FRMD4A: variants seen among roughly 807,000 people sequenced by gnomAD.
FRMD4A encodes the protein FERM domain containing 4A.
Under a neutral mutation model 129.1 loss-of-function variants are expected in FRMD4A, and 29 were observed. That is an observed-to-expected ratio of 0.22 (90% CI 0.17 to 0.31). The LOEUF is 0.31. FRMD4A is among the 10% of genes least tolerant of loss of function. The probability of loss-of-function intolerance (pLI) is 1.00; values close to 1 mark genes in which losing one functional copy is unlikely to be tolerated. For synonymous variants in FRMD4A, 634 were observed against 571.6 expected (o/e 1.11, Z -1.56); for missense variants, 1,272 against 1,375.8 (o/e 0.92, Z 1.19).
At chr10:13,771,697 A>T (rs891412426) in intron 6 of FRMD4A, among the ~76,000 whole-genome samples, 1 of 152,230 alleles carries the variant, frequency 6.6e-6, no homozygotes, top group Non-Finnish European at 1.5e-5. Context: ...CCAGATGGCA[A>T]GCACAGTCCT....
chr10:13,667,598 G>A (rs10737077), intron 17 of FRMD4A: 120,971 of 152,184 alleles, frequency 0.79, 48,376 homozygotes, highest in Non-Finnish European at 0.84. Flanking sequence ...CAGCTGCTGA[G>A]GGATGGGGGG....
chr10:13,996,322 A>G (rs1418740463), intron 2 of FRMD4A, among the ~76,000 whole-genome samples: 1 of 152,210 alleles, frequency 6.6e-6, no homozygotes, highest in Non-Finnish European at 1.5e-5. Context: ...TGCTGCCTAC[A>G]TGGGTGGACC....
rs1028517880 is a variant in FRMD4A, at chr10:14,292,968, T to C, written c.45+37090A>G. On this transcript the variant is annotated intron_variant, in intron 2 of 24. Transcript: ENST00000357447. ...AAAGGTATTAAGAAGAGTGAATACATAAGCCACCAAATGGAGATATTACAT... is the reference window on the plus strand; with the variant it reads ...AAAGGTATTAAGAAGAGTGAATACACAAGCCACCAAATGGAGATATTACAT... 1.6e-4 allele frequency among the ~76,000 whole-genome samples: 24 copies of C among 152,238 alleles called. 2 individuals are homozygous for C. The South Asian group carries it at 4.1e-3, about 26-fold the overall frequency.
At chr10:14,327,829 G>C (rs1463149528) in intron 2 of FRMD4A, among the ~76,000 whole-genome samples, 2 of 152,206 alleles carry the variant, frequency 1.3e-5, no homozygotes, top group African/African-American at 4.8e-5. Context: ...TTTCCTCAGT[G>C]AGCAGACACG....
chr10:14,233,948 G>C (rs1175969634), intron 2 of FRMD4A, among the ~76,000 whole-genome samples: 1 of 152,186 alleles, frequency 6.6e-6, no homozygotes, highest in African/African-American at 2.4e-5. Context: ...ATTCTAAATA[G>C]GCAACATTTT....
intron 8 of FRMD4A, among the ~76,000 whole-genome samples, chr10:13,757,424 A>G (rs1425536389): frequency 1.3e-5 from 2 of 152,258 alleles, no homozygotes; most frequent in African/African-American, 2.4e-5. Flanking sequence ...TCCATTTGGT[A>G]GAATATGAAC....
chr10:13,877,972 T>C (rs1456251403), intron 2 of FRMD4A, among the ~76,000 whole-genome samples: 2 of 150,938 alleles, frequency 1.3e-5, no homozygotes, highest in African/African-American at 4.9e-5. Flanking sequence ...AACCCAAAAG[T>C]CTCCCCACCC....
chr10:14,159,332 G>T (rs770259385), intron 2 of FRMD4A, among the ~76,000 whole-genome samples: 2 of 152,000 alleles, frequency 1.3e-5, no homozygotes, highest in Non-Finnish European at 2.9e-5. Flanking sequence ...TAATGAAGTC[G>T]CTGAAAAAGA....
chr10:14,305,098 GA>G (rs1792041804), intron 2 of FRMD4A, among the ~76,000 whole-genome samples: 2 of 152,180 alleles, frequency 1.3e-5, no homozygotes, highest in Admixed American at 1.3e-4. Context: ...ACTCAATACA[GA>G]TAATATTATG....
rs528474946 is a variant in FRMD4A, at chr10:14,328,378, G to T, written c.45+1680C>A. ...TGTGTGTGTGTGTGGGTGGGGGGGG[G>T]GGGTGTATAACAGCAGAAATGGATG... On this transcript the variant is annotated intron_variant, in intron 2 of 24. Coordinates refer to ENST00000357447, the MANE Select transcript of FRMD4A (RefSeq NM_018027.5). Among the ~76,000 whole-genome samples the T allele has an allele frequency of 1.3e-3, 156 of 120,338 alleles. 4 individuals are homozygous for T. Among genetic ancestry groups the T allele is most frequent in the African/African-American group, 5.0e-3 (149 of 30,048 alleles). 78.9% of individuals were successfully genotyped at this position (120,338 alleles called of 152,430 possible).
intron 2 of FRMD4A, among the ~76,000 whole-genome samples, chr10:14,181,548 G>T (rs938144301): frequency 6.6e-6 from 1 of 152,092 alleles, no homozygotes; most frequent in South Asian, 2.1e-4. Context: ...GCTTTTGTTG[G>T]GTTATTTCCA....
intron 2 of FRMD4A, among the ~76,000 whole-genome samples, chr10:13,952,022 A>G (rs951389445): frequency 8.0e-5 from 12 of 150,778 alleles, no homozygotes; most frequent in African/African-American, 2.7e-4. Context: ...GTTCTTTAAG[A>G]TATTCATCTT....
chr10:13,933,149 A>C (rs1413840743), intron 2 of FRMD4A, among the ~76,000 whole-genome samples: 1 of 147,722 alleles, frequency 6.8e-6, no homozygotes, highest in Non-Finnish European at 1.5e-5. Context: ...CAAGAGCAAA[A>C]CTCTGTCTCA....
intron 2 of FRMD4A, among the ~76,000 whole-genome samples, chr10:14,147,719 G>C (rs1291927485): frequency 6.6e-6 from 1 of 152,006 alleles, no homozygotes; most frequent in Non-Finnish European, 1.5e-5. Context: ...AGCTCAGGTG[G>C]TAATGTTCCC....
At chr10:14,075,667 T>G (rs533987186) in intron 2 of FRMD4A, among the ~76,000 whole-genome samples, 1 of 152,354 alleles carries the variant, frequency 6.6e-6, no homozygotes, top group South Asian at 2.1e-4. Context: ...TGTGTGGGTA[T>G]AATTTCTGTA....
chr10:13,646,994 G>A lies in FRMD4A; in HGVS notation c.*44C>T. 1 of 983,442 alleles carries A rather than the reference G, an allele frequency of 1.0e-6. No individual in the cohort carries two copies. Among genetic ancestry groups the A allele is most frequent in the African/African-American group, 1.7e-5 (1 of 57,300 alleles). The allele number at this position is 983,442 out of a possible 1,614,324, so 60.9% of individuals were successfully genotyped here. On this transcript the variant is annotated 3_prime_UTR_variant, in exon 25 of 25. Transcript: ENST00000357447. ...GTACCACTGGACATCAGCTAGTTCT[G>A]GATAGAGGGAGGAATCCAGGAAACA...
Position 13,808,610 on chromosome 10 carries a change from C to T in FRMD4A, c.206+2204G>A, listed in dbSNP as rs2093396483. Among the ~76,000 whole-genome samples the T allele has an allele frequency of 2.0e-5, 3 of 152,370 alleles. No individual in the cohort carries two copies. The South Asian group carries it at 6.2e-4, about 32-fold the overall frequency. On this transcript the variant is annotated intron_variant, in intron 4 of 24. Coordinates refer to ENST00000357447, the MANE Select transcript of FRMD4A (RefSeq NM_018027.5). ...GGCATTGTACCGCCAGGACTGACAG[C>T]CCTTGAGTCACGGCCTCACCACTGC...
chr10:13,936,536 G>A (rs2095250602), intron 2 of FRMD4A, among the ~76,000 whole-genome samples: 1 of 152,180 alleles, frequency 6.6e-6, no homozygotes, highest in Admixed American at 6.5e-5. Context: ...GTCCTCATAA[G>A]AGACAGACCC....
At chr10:14,038,321 T>C (rs1347662184) in intron 2 of FRMD4A, among the ~76,000 whole-genome samples, 1 of 152,158 alleles carries the variant, frequency 6.6e-6, no homozygotes, top group Non-Finnish European at 1.5e-5. Context: ...AGACTCCGTC[T>C]CAAAATAAAT....
Sources: gnomAD v4.1 joint callset for allele counts (sites outside exome capture counted in the v4.1 genomes callset) on GRCh38, gnomAD v4.1.1 for gene constraint, MANE v1.5 for transcripts, NCBI Gene and HGNC (gene_info 2026-07-23, HGNC 2026-07-21) for gene names.